CRYBG1: variants seen among roughly 807,000 people sequenced by gnomAD.
CRYBG1 encodes crystallin beta-gamma domain containing 1, also known as beta/gamma crystallin domain-containing protein 1.
A neutral mutation model predicts 189.2 loss-of-function variants in CRYBG1; 139 were observed. The ratio of observed to expected loss-of-function variants is 0.73; its 90% confidence interval spans 0.64 to 0.85. The LOEUF (loss-of-function observed/expected upper bound fraction) is 0.85, where lower values mean the gene tolerates loss of function less well. CRYBG1 is among the 40% of genes least tolerant of loss of function. The pLI is 0.00. For synonymous variants in CRYBG1, 1,023 were observed against 1,017.1 expected (o/e 1.01, Z -0.11); for missense variants, 2,611 against 2,675.8 (o/e 0.98, Z 0.53).
At chr6:106,368,883 C>T (rs559045620) in intron 1 of CRYBG1, among the ~76,000 whole-genome samples, 1 of 152,004 alleles carries the variant, frequency 6.6e-6, no homozygotes, top group African/African-American at 2.4e-5. Flanking sequence ...AATAAACAAC[C>T]ATAACTTAAT....
intron 1 of CRYBG1, among the ~76,000 whole-genome samples, chr6:106,420,014 A>G (rs957465603): frequency 1.3e-5 from 2 of 152,198 alleles, no homozygotes; most frequent in African/African-American, 4.8e-5. Context: ...AACCTTTAAC[A>G]TCAACTTACA....
At chr6:106,533,054 C>T (rs1390917157) in intron 8 of CRYBG1, among the ~76,000 whole-genome samples, 1 of 152,172 alleles carries the variant, frequency 6.6e-6, no homozygotes, top group Non-Finnish European at 1.5e-5. Context: ...GAATAAACAA[C>T]ACAAATACAT....
chr6:106,517,401 TAC>T (rs199917847), intron 3 of CRYBG1, among the ~76,000 whole-genome samples: 1,426 of 57,476 alleles, frequency 0.025, 49 homozygotes, highest in East Asian at 0.08. Context: ...TATATATATA[TAC>T]ACACACACAT....
At position 106,512,028 on chromosome 6, in the gene CRYBG1, G is replaced by T. The variant is rs1185642489; in HGVS notation, c.911G>T (p.Arg304Leu). The stretch of plus-strand genomic sequence containing the variant: ...GCGCCAGGGTCGCCCACCCAGGAGC[G>T]GCCCGCGGGAGGACTAGGCGAGGCC... ...RGAPGSPTQE[R>L]PAGGLGEAPN... Residue 304 changes from arginine (R) to leucine (L), a missense_variant, in exon 3 of 22, where the codon CGG becomes CTG. Around this residue, in one of 3 missense-constraint regions of CRYBG1, gnomAD observed 985 missense variants for 924.4 expected, o/e 1.07. Coordinates refer to ENST00000633556, the MANE Select transcript of CRYBG1 (RefSeq NM_001371242.2). The T allele has an allele frequency of 5.9e-6, 9 of 1,529,694 alleles. No individual in the cohort carries two copies. Among genetic ancestry groups the T allele is most frequent in the Non-Finnish European group, 7.9e-6 (9 of 1,143,484 alleles). The allele number at this position is 1,529,694 out of a possible 1,614,324, so 94.8% of individuals were successfully genotyped here. A position where few individuals can be genotyped will look rare whatever the true frequency, so the allele number is the denominator to read the frequency against.
chr6:106,407,946 A>AAGG, intron 1 of CRYBG1, among the ~76,000 whole-genome samples: 2 of 152,330 alleles, frequency 1.3e-5, no homozygotes, highest in East Asian at 3.9e-4. Context: ...CAACACCCTA[A>AAGG]CATCACAATT....
intron 1 of CRYBG1, among the ~76,000 whole-genome samples, chr6:106,405,030 C>G (rs1229603478): frequency 6.6e-6 from 1 of 151,558 alleles, no homozygotes; most frequent in Non-Finnish European, 1.5e-5. Context: ...GCCAGTAAGA[C>G]AGAACTGTTC....
At chr6:106,507,579 G>A (rs1773159100) in intron 2 of CRYBG1, among the ~76,000 whole-genome samples, 1 of 152,142 alleles carries the variant, frequency 6.6e-6, no homozygotes, top group African/African-American at 2.4e-5. Context: ...AGCCTGGAAA[G>A]GTGGTGGGTC....
chr6:106,425,861 C>A (rs1771215179), intron 1 of CRYBG1, among the ~76,000 whole-genome samples: 1 of 152,244 alleles, frequency 6.6e-6, no homozygotes, highest in East Asian at 1.9e-4. Context: ...CGGTCTTGAA[C>A]TCCGGACCTC....
rs1773602467 is a variant in CRYBG1 at position 106,521,217 on chromosome 6, G to T, written c.4009G>T (p.Glu1337Ter). 3 of 1,613,990 alleles carry T rather than the reference G, an allele frequency of 1.9e-6. No homozygotes were observed. In the South Asian group the frequency reaches 3.3e-5, roughly 18 times the overall value. Residue 1337 changes from glutamate (E) to a stop codon, truncating the protein, a stop_gained, in exon 4 of 22, where the codon GAG (glutamate) becomes TAG (stop). Transcript: ENST00000633556. LOFTEE classifies it high-confidence loss of function. Reference protein sequence around the residue: ...PSHMEKYPQKEKTKEDLDSRS... With the variant: ...PSHMEKYPQK ...CCACATGGAAAAATACCCGCAAAAA[G>T]AGAAAACCAAAGAAGATCTGGATTC...
At position 106,520,825 on chromosome 6, in the gene CRYBG1, A is replaced by C; in HGVS notation, c.3617A>C (p.Asn1206Thr). The change falls in exon 4 of 22, where the codon AAC becomes ACC. Residue 1206 changes from asparagine to threonine, a missense_variant. This residue lies in a region of CRYBG1 where 1,622 missense variants were observed against 1,735.0 expected (regional missense o/e 0.93). Transcript: ENST00000633556. Reference sequence around the variant, plus strand: ...GTCCTCTTCAAGTCCCTGCACACCAACACTAATGGGAACAGTGAGCCTCTG... The same window carrying C: ...GTCCTCTTCAAGTCCCTGCACACCACCACTAATGGGAACAGTGAGCCTCTG... Reference protein sequence around the residue: ...QSVLFKSLHTNTNGNSEPLVM... With the variant: ...QSVLFKSLHTTTNGNSEPLVM... 6.2e-7 allele frequency: 1 copy of C among 1,614,142 alleles called. No homozygotes were observed. Among genetic ancestry groups the C allele is most frequent in the African/African-American group, 1.3e-5 (1 of 75,022 alleles).
chr6:106,482,181 T>A (rs200570461), intron 2 of CRYBG1, among the ~76,000 whole-genome samples: 2 of 151,870 alleles, frequency 1.3e-5, no homozygotes, highest in Admixed American at 1.3e-4. Context: ...CTCCTTGAAG[T>A]TGTAGAACTC....
chr6:106,424,390 T>C (rs1291935317), intron 1 of CRYBG1, among the ~76,000 whole-genome samples: 1 of 152,190 alleles, frequency 6.6e-6, no homozygotes, highest in Non-Finnish European at 1.5e-5. Context: ...ACCATTTTAC[T>C]CATCCTCCCT....
At chr6:106,446,971 CA>C (rs1318906571) in intron 1 of CRYBG1, among the ~76,000 whole-genome samples, 1 of 152,164 alleles carries the variant, frequency 6.6e-6, no homozygotes, top group East Asian at 1.9e-4. Flanking sequence ...AATGAATTGG[CA>C]AATGTTCCAC....
Position 106,451,943 on chromosome 6 carries a change from T to C in CRYBG1, c.312+111T>C, listed in dbSNP as rs1405471438. The C allele has an allele frequency of 2.0e-5, 14 of 702,694 alleles. No individual in the cohort carries two copies. In the East Asian group the frequency reaches 4.1e-4, roughly 21 times the overall value. The allele number at this position is 702,694 out of a possible 1,614,324, so 43.5% of individuals were successfully genotyped here. A position where few individuals can be genotyped will look rare whatever the true frequency, so the allele number is the denominator to read the frequency against. ...CATACTTAAAAGTAATGGTATATAT[T>C]GTATATCATAAATTATATATATCAT... is the stretch of plus-strand genomic sequence containing the variant. On this transcript the variant is annotated intron_variant, in intron 2 of 21. Transcript: ENST00000633556.
chr6:106,548,251 G>C (rs902358045), intron 13 of CRYBG1, among the ~76,000 whole-genome samples: 2 of 152,152 alleles, frequency 1.3e-5, no homozygotes, highest in Non-Finnish European at 2.9e-5. Flanking sequence ...GGATCATAGA[G>C]CAGAGAATCT....
intron 1 of CRYBG1, among the ~76,000 whole-genome samples, chr6:106,391,970 T>C (rs9373858): frequency 0.38 from 29,367 of 78,264 alleles, 2,998 homozygotes; most frequent in African/African-American, 0.47. Flanking sequence ...TGTGTGTGTG[T>C]GCGTGCGCGT....
intron 1 of CRYBG1, among the ~76,000 whole-genome samples, chr6:106,375,208 C>A (rs898680932): frequency 6.6e-6 from 1 of 151,850 alleles, no homozygotes; most frequent in African/African-American, 2.4e-5. Flanking sequence ...CATAGTGAGA[C>A]CCTGTCTCCA....
intron 1 of CRYBG1, among the ~76,000 whole-genome samples, chr6:106,387,400 G>A (rs146132305): frequency 5.3e-5 from 8 of 152,232 alleles, no homozygotes; most frequent in East Asian, 1.9e-4. Context: ...AAGAGACTCC[G>A]CTCCCCTCAT....
intron 1 of CRYBG1, among the ~76,000 whole-genome samples, chr6:106,414,112 C>T (rs1187308269): frequency 2.6e-5 from 4 of 152,222 alleles, no homozygotes; most frequent in Non-Finnish European, 5.9e-5. Flanking sequence ...GCAACTGGTT[C>T]CACCTGACAA....
Sources: allele counts gnomAD v4.1 joint callset (sites outside exome capture counted in the v4.1 genomes callset), GRCh38; gene constraint gnomAD v4.1.1; regional missense constraint gnomAD v4.1.1; transcripts MANE v1.5; gene names NCBI Gene and HGNC (gene_info 2026-07-23, HGNC 2026-07-21).